The following CHSY3 variants were observed in gnomAD, a reference collection of about 807,000 sequenced individuals.
The protein encoded by CHSY3 is N-acetylgalactosaminyl-proteoglycan 3-beta-glucuronosyltransferase 3.
In CHSY3, 35 loss-of-function variants were observed where a neutral mutation model predicts 67.2. The observed-to-expected ratio is 0.52, with a 90% CI of 0.40 to 0.69. The LOEUF (loss-of-function observed/expected upper bound fraction) is 0.69. Ranked by LOEUF, CHSY3 falls within the 30% of genes least tolerant of loss-of-function variation. The pLI is 0.00. For missense variants in CHSY3, 1,069 were observed against 1,138.5 expected (o/e 0.94, Z 0.88); for synonymous variants, 474 against 434.7 (o/e 1.09, Z -1.12).
intron 2 of CHSY3, among the ~76,000 whole-genome samples, chr5:130,149,752 T>G (rs1206191887): frequency 6.6e-6 from 1 of 152,194 alleles, no homozygotes; most frequent in African/African-American, 2.4e-5. Context: ...AAGGGTCAGC[T>G]ACCTTTCTCA....
chr5:130,150,033 C>T (rs780342431), intron 2 of CHSY3, among the ~76,000 whole-genome samples: 2 of 152,078 alleles, frequency 1.3e-5, no homozygotes, highest in Non-Finnish European at 2.9e-5. Flanking sequence ...TGATGGCTCT[C>T]GTGTGATTTT....
intron 2 of CHSY3, among the ~76,000 whole-genome samples, chr5:129,939,710 T>A (rs1761637507): frequency 6.6e-6 from 1 of 152,206 alleles, no homozygotes; most frequent in Admixed American, 6.5e-5. Context: ...ATATGAATAA[T>A]CTTCACTTAT....
At chr5:130,009,184 A>T (rs967638005) in intron 2 of CHSY3, among the ~76,000 whole-genome samples, 1 of 152,184 alleles carries the variant, frequency 6.6e-6, no homozygotes, top group African/African-American at 2.4e-5. Context: ...AGGACAATAC[A>T]TGCAAAAGAA....
intron 2 of CHSY3, among the ~76,000 whole-genome samples, chr5:130,172,092 GTGTGCAAAATATCAGCC>G (rs1279990089): frequency 6.6e-6 from 1 of 152,070 alleles, no homozygotes; most frequent in Non-Finnish European, 1.5e-5. Context: ...TAGGATTATA[GTGTGCAAAATATCAGCC>G]TGTGGTCAAA....
In CHSY3 at chr5:130,020,449, ATATATATATATATTT is replaced by A. The variant is rs1279529913; in HGVS notation, c.1086+112091_1086+112105del. Among the ~76,000 whole-genome samples, 77 of 13,358 alleles carry A rather than the reference ATATATATATATATTT, an allele frequency of 5.8e-3. 2 individuals are homozygous for A. The highest frequency in any genetic ancestry group is 0.013 in the African/African-American group (47 of 3,522). 8.8% of individuals were successfully genotyped at this position (13,358 alleles called of 152,430 possible). Reference sequence around the variant, plus strand: ...TATATATATATATATATATATATATATATATATATATATTTTTTTTTTTTTTTTTTCCTCTGGCTC... The same window carrying A: ...TATATATATATATATATATATATATATTTTTTTTTTTTTTTCCTCTGGCTC... On this transcript the variant is annotated intron_variant, in intron 2 of 2. Coordinates refer to ENST00000305031, the MANE Select transcript of CHSY3 (RefSeq NM_175856.5).
At chr5:130,055,704 T>A (rs1228905120) in intron 2 of CHSY3, among the ~76,000 whole-genome samples, 1 of 151,828 alleles carries the variant, frequency 6.6e-6, no homozygotes, top group Admixed American at 6.6e-5. Context: ...CAGCAGCAGC[T>A]GCTGCTGCTG....
intron 2 of CHSY3, among the ~76,000 whole-genome samples, chr5:129,964,673 G>C (rs141511474): frequency 2.2e-3 from 327 of 151,932 alleles, no homozygotes; most frequent in Admixed American, 5.4e-3. Flanking sequence ...TGTGTATATA[G>C]CAAATAGTAT....
At chr5:129,979,927 ACT>A (rs2149621332) in intron 2 of CHSY3, among the ~76,000 whole-genome samples, 1 of 152,200 alleles carries the variant, frequency 6.6e-6, no homozygotes, top group South Asian at 2.1e-4. Flanking sequence ...TGGCTTAATA[ACT>A]CATTTCTTTT....
At chr5:130,045,333 C>G (rs973658480) in intron 2 of CHSY3, among the ~76,000 whole-genome samples, 1 of 151,970 alleles carries the variant, frequency 6.6e-6, no homozygotes, top group South Asian at 2.1e-4. Flanking sequence ...TGAGTTATGG[C>G]AAGGGGAAGG....
intron 2 of CHSY3, among the ~76,000 whole-genome samples, chr5:130,142,450 G>A (rs765371216): frequency 5.9e-5 from 9 of 152,034 alleles, no homozygotes; most frequent in Non-Finnish European, 1.2e-4. Context: ...CTGAAACCTC[G>A]CTTTTTGGAA....
chr5:130,030,434 C>T (rs960540731), intron 2 of CHSY3, among the ~76,000 whole-genome samples: 4 of 152,014 alleles, frequency 2.6e-5, no homozygotes, highest in African/African-American at 9.7e-5. Flanking sequence ...AGTAAACTTA[C>T]TTTTATTGTT....
rs1561530385 is a variant in CHSY3, at chr5:130,086,895, C to G, written c.1087-97334C>G. 2.0e-5 allele frequency among the ~76,000 whole-genome samples: 3 copies of G among 152,020 alleles called. No individual in the cohort carries two copies. The East Asian group carries it at 5.8e-4, about 29-fold the overall frequency. On this transcript the variant is annotated intron_variant, in intron 2 of 2. Transcript: ENST00000305031. The stretch of plus-strand genomic sequence containing the variant: ...GGCCAGCATCATCCTGATACCAAAG[C>G]CTGGCAGAGACACAACAAAAAAAGA...
chr5:130,013,591 C>T (rs990922876), intron 2 of CHSY3, among the ~76,000 whole-genome samples: 1 of 152,180 alleles, frequency 6.6e-6, no homozygotes, highest in African/African-American at 2.4e-5. Context: ...GAAACAATGG[C>T]CCCAGCTGTA....
intron 2 of CHSY3, among the ~76,000 whole-genome samples, chr5:130,078,546 T>C (rs1580711577): frequency 6.6e-6 from 1 of 152,172 alleles, no homozygotes; most frequent in South Asian, 2.1e-4. Flanking sequence ...GAGTTGACTA[T>C]TGGATTTTTT....
At position 130,178,189 on chromosome 5, in the gene CHSY3, A is replaced by G. The variant is rs181474819; in HGVS notation, c.1087-6040A>G. On this transcript the variant is annotated intron_variant, in intron 2 of 2. Coordinates refer to ENST00000305031, the MANE Select transcript of CHSY3 (RefSeq NM_175856.5). The stretch of plus-strand genomic sequence containing the variant: ...TATATGTATATATATGTGTGTGTGT[A>G]TATATATATATTTATATATATATGT... Among the ~76,000 whole-genome samples, 601 of 116,936 alleles carry G rather than the reference A, an allele frequency of 5.1e-3. 5 individuals are homozygous for G. The highest frequency in any genetic ancestry group is 0.018 in the African/African-American group (579 of 31,708). The allele number at this position is 116,936 out of a possible 152,430, so 76.7% of individuals were successfully genotyped here. A position where few individuals can be genotyped will look rare whatever the true frequency, so the allele number is the denominator to read the frequency against.
In CHSY3 at chr5:130,185,159, C is replaced by A; in HGVS notation, c.2017C>A (p.Leu673Met). The change falls in exon 3 of 3, where the codon CTG becomes ATG. Residue 673 changes from leucine (L) to methionine (M), a missense_variant. Leu to Met is a conservative substitution (Grantham distance 15). Transcript: ENST00000305031. ...CCAAGACTCCAGCAAGCATATTGAG[C>A]TGATAAAAGGGTACCAGAACAAGTA... ...SGQDSSKHIE[L>M]IKGYQNKYPK... 1 of 1,606,290 alleles carries A rather than the reference C, an allele frequency of 6.2e-7. No homozygotes were observed. Among genetic ancestry groups the A allele is most frequent in the Non-Finnish European group, 8.5e-7 (1 of 1,173,052 alleles).
chr5:130,169,366 T>C (rs931921359), intron 2 of CHSY3, among the ~76,000 whole-genome samples: 1 of 152,112 alleles, frequency 6.6e-6, no homozygotes, highest in African/African-American at 2.4e-5. Context: ...CAATTAACAC[T>C]GAACACTGCA....
At chr5:129,995,197 C>T (rs1029041164) in intron 2 of CHSY3, among the ~76,000 whole-genome samples, 1 of 152,044 alleles carries the variant, frequency 6.6e-6, no homozygotes, top group Non-Finnish European at 1.5e-5. Flanking sequence ...TGTTATTAAA[C>T]ATAGTTTTAT....
At chr5:130,142,912 A>G (rs1012141507) in intron 2 of CHSY3, among the ~76,000 whole-genome samples, 4 of 152,152 alleles carry the variant, frequency 2.6e-5, no homozygotes, top group Non-Finnish European at 5.9e-5. Flanking sequence ...GGAAAGGAGG[A>G]GCGAGCCAGA....
Sources: gnomAD v4.1 joint callset for allele counts (sites outside exome capture counted in the v4.1 genomes callset) on GRCh38, gnomAD v4.1.1 for gene constraint, MANE v1.5 for transcripts, NCBI Gene and HGNC (gene_info 2026-07-23, HGNC 2026-07-21) for gene names.